USH2A: variants seen among roughly 807,000 people sequenced by gnomAD.
USH2A encodes usherin.
USH2A carries 443 observed loss-of-function variants against 538.9 expected under a neutral mutation model. That is an observed-to-expected ratio of 0.82 (90% CI 0.76 to 0.89). USH2A has a LOEUF of 0.89. Among genes scored for constraint, USH2A ranks in the 40% least tolerant of loss-of-function variants. The probability of loss-of-function intolerance (pLI) is 0.00; values close to 1 mark genes in which losing one functional copy is unlikely to be tolerated. For synonymous variants in USH2A, 2,413 were observed against 2,273.5 expected (o/e 1.06, Z -1.75); for missense variants, 6,633 against 6,324.8 (o/e 1.05, Z -1.65).
intron 61 of USH2A, among the ~76,000 whole-genome samples, chr1:215,691,154 T>C (rs1192068046): frequency 6.6e-6 from 1 of 152,154 alleles, no homozygotes; most frequent in Non-Finnish European, 1.5e-5. Context: ...AGTGCTGGGA[T>C]TACAGGTGTG....
At chr1:216,167,088 C>G (rs2034184804) in intron 21 of USH2A, among the ~76,000 whole-genome samples, 1 of 152,112 alleles carries the variant, frequency 6.6e-6, no homozygotes, top group Non-Finnish European at 1.5e-5. Context: ...AACAAACGGC[C>G]TATGGCTATG....
chr1:215,827,009 T>C (rs1381753905), intron 47 of USH2A, among the ~76,000 whole-genome samples: 1 of 152,166 alleles, frequency 6.6e-6, no homozygotes, highest in Non-Finnish European at 1.5e-5. Context: ...GAAAAGATGA[T>C]GAGTTAGATA....
At chr1:216,063,754 A>G (rs1013375501) in intron 30 of USH2A, among the ~76,000 whole-genome samples, 11 of 152,220 alleles carry the variant, frequency 7.2e-5, no homozygotes, top group African/African-American at 2.7e-4. Context: ...ACTTAATGTC[A>G]TTGGAATTTT....
intron 41 of USH2A, 129 bp from the exon 42 acceptor site, chr1:215,879,227 C>A (rs1474933162): frequency 3.9e-6 from 3 of 771,430 alleles, no homozygotes; most frequent in South Asian, 1.5e-5. Context: ...TCTCCTGAGG[C>A]CTTTGGACTA....
chr1:215,972,712 T>G (rs987282151), intron 35 of USH2A, among the ~76,000 whole-genome samples: 1 of 152,200 alleles, frequency 6.6e-6, no homozygotes, highest in African/African-American at 2.4e-5. Context: ...ACCATTCTGA[T>G]AAGTCCATTT....
At chr1:216,218,648 C>T (rs1052549352) in intron 14 of USH2A, among the ~76,000 whole-genome samples, 3 of 151,986 alleles carry the variant, frequency 2.0e-5, no homozygotes, top group Admixed American at 6.6e-5. Context: ...ACTAATATCC[C>T]CTTGGGAATA....
At chr1:215,776,694 A>G (rs983357121) in intron 55 of USH2A, among the ~76,000 whole-genome samples, 2 of 152,226 alleles carry the variant, frequency 1.3e-5, no homozygotes, top group East Asian at 3.8e-4. Context: ...CAGCATTTCC[A>G]TCAAACATTT....
chr1:215,971,614 TACAA>T (rs1667496434), intron 35 of USH2A, among the ~76,000 whole-genome samples: 1 of 151,994 alleles, frequency 6.6e-6, no homozygotes, highest in South Asian at 2.1e-4. Context: ...ATAAAAGAAC[TACAA>T]ACAAATGAAC....
intron 16 of USH2A, among the ~76,000 whole-genome samples, chr1:216,205,613 A>G (rs930120606): frequency 2.6e-5 from 4 of 152,212 alleles, no homozygotes; most frequent in Admixed American, 6.5e-5. Flanking sequence ...CATCCTCCTA[A>G]CCATTTTAAG....
At chr1:216,304,391 G>A (rs2037273786) in intron 9 of USH2A, among the ~76,000 whole-genome samples, 1 of 151,944 alleles carries the variant, frequency 6.6e-6, no homozygotes, top group South Asian at 2.1e-4. Context: ...ATCTGAACTA[G>A]GCACTTATCT....
At chr1:215,836,565 A>AATATATATATATATATTTTTTT (rs1663536970) in intron 47 of USH2A, among the ~76,000 whole-genome samples, 1 of 32,876 alleles carries the variant, frequency 3.0e-5, no homozygotes. Flanking sequence ...ATATATATAT[A>AATATATATATATATATTTTTTT]TTTTTTTTTG....
rs753233925 is a variant in USH2A, at chr1:215,996,560, GTTTTTTTTTTTTTTTTTTTTT to G, written c.6657+2306_6657+2326del. ...TTTGTTGAGAGTAGCAACATATTAT[GTTTTTTTTTTTTTTTTTTTTT>G]TTTTTTTTTTTTTTGCAGTGGAAAG... On this transcript the variant is annotated intron_variant, in intron 34 of 71. Coordinates refer to ENST00000307340, the MANE Select transcript of USH2A (RefSeq NM_206933.4). Among the ~76,000 whole-genome samples, 84 of 51,722 alleles carry G rather than the reference GTTTTTTTTTTTTTTTTTTTTT, an allele frequency of 1.6e-3. 1 individual carries two copies. Among genetic ancestry groups the G allele is most frequent in the South Asian group, 2.9e-3 (3 of 1,030 alleles). The allele number at this position is 51,722 out of a possible 152,430, so 33.9% of individuals were successfully genotyped here. A position where few individuals can be genotyped will look rare whatever the true frequency, so the allele number is the denominator to read the frequency against.
chr1:216,239,571 T>C (rs1411093162), intron 13 of USH2A, among the ~76,000 whole-genome samples: 1 of 152,214 alleles, frequency 6.6e-6, no homozygotes, highest in Non-Finnish European at 1.5e-5. Context: ...ATGGACATTA[T>C]AGACCATGAG....
intron 21 of USH2A, among the ~76,000 whole-genome samples, chr1:216,132,623 T>A (rs2033399113): frequency 6.6e-6 from 1 of 152,144 alleles, no homozygotes; most frequent in African/African-American, 2.4e-5. Flanking sequence ...AAGAGGGAGA[T>A]AGCTACTATC....
chr1:216,160,922 T>C (rs1421404438), intron 21 of USH2A, among the ~76,000 whole-genome samples: 1 of 152,136 alleles, frequency 6.6e-6, no homozygotes, highest in Non-Finnish European at 1.5e-5. Flanking sequence ...TCTGAAACTA[T>C]AAGTAGCACC....
intron 3 of USH2A, among the ~76,000 whole-genome samples, chr1:216,393,992 A>G (rs566458213): frequency 1.3e-5 from 2 of 152,350 alleles, no homozygotes; most frequent in East Asian, 3.9e-4. Flanking sequence ...GGAAGATTTG[A>G]ACAAACATTT....
intron 11 of USH2A, among the ~76,000 whole-genome samples, chr1:216,267,319 A>T (rs1246289579): frequency 6.6e-6 from 1 of 152,106 alleles, no homozygotes; most frequent in Non-Finnish European, 1.5e-5. Flanking sequence ...AAAGTTGCAA[A>T]GTAATGATGA....
intron 65 of USH2A, among the ~76,000 whole-genome samples, chr1:215,649,101 A>G (rs368004711): frequency 6.6e-6 from 1 of 152,156 alleles, no homozygotes; most frequent in Non-Finnish European, 1.5e-5. Context: ...AAAGTCTATG[A>G]CCCTCAGAGT....
intron 37 of USH2A, among the ~76,000 whole-genome samples, chr1:215,946,163 A>T (rs1313401032): frequency 6.6e-6 from 1 of 152,202 alleles, no homozygotes; most frequent in Non-Finnish European, 1.5e-5. Flanking sequence ...GTCATCACAA[A>T]TGATGGACCT....
Sources: gnomAD v4.1 joint callset for allele counts (sites outside exome capture counted in the v4.1 genomes callset) on GRCh38, gnomAD v4.1.1 for gene constraint, MANE v1.5 for transcripts, NCBI Gene and HGNC (gene_info 2026-07-23, HGNC 2026-07-21) for gene names.